The following EDA variants were observed in gnomAD, a reference collection of about 807,000 sequenced individuals.
The protein encoded by EDA is ectodysplasin-A.
Under a neutral mutation model 23.6 loss-of-function variants are expected in EDA, and 2 were observed. The ratio of observed to expected loss-of-function variants is 0.08; its 90% CI spans 0.03 to 0.27. The LOEUF is 0.27. EDA is among the 10% of genes least tolerant of loss of function. EDA has a pLI of 1.00. For missense variants in EDA, 229 were observed against 324.2 expected (o/e 0.71, Z 2.26); for synonymous variants, 131 against 132.0 (o/e 0.99, Z 0.05).
intron 2 of EDA, among the ~76,000 whole-genome samples, chrX:69,987,137 G>A (rs1342485028): frequency 1.2e-5 from 1 of 82,697 alleles, no homozygotes; most frequent in African/African-American, 4.8e-5. Flanking sequence ...GGTCGGGGGA[G>A]GGAGGAGGGA....
chrX:69,828,563 G>A (rs181200252), intron 1 of EDA, among the ~76,000 whole-genome samples: 119 of 111,896 alleles, frequency 1.1e-3, no homozygotes, highest in East Asian at 7.9e-3. Flanking sequence ...TTCGGCTCGC[G>A]CACGGTGCAC....
chrX:69,922,964 C>T (rs2018457746), intron 1 of EDA, among the ~76,000 whole-genome samples: 1 of 111,267 alleles, frequency 9.0e-6, no homozygotes, highest in Admixed American at 9.6e-5. Flanking sequence ...TCACCACACA[C>T]ACACACCTTT....
intron 1 of EDA, among the ~76,000 whole-genome samples, chrX:69,787,978 G>T (rs1448157070): frequency 3.6e-5 from 4 of 111,365 alleles, no homozygotes; most frequent in Non-Finnish European, 5.7e-5. Context: ...TTTCTTGGAG[G>T]CTTTGTTCAT....
chrX:69,950,947 G>A (rs1244257705), intron 1 of EDA, among the ~76,000 whole-genome samples: 3 of 76,431 alleles, frequency 3.9e-5, no homozygotes, highest in African/African-American at 1.0e-4. Context: ...GTTGTGGGGT[G>A]GGGGGAGGGG....
chrX:69,658,212 TTGTGTGTGTG>T (rs3138864), intron 1 of EDA, among the ~76,000 whole-genome samples: 5 of 90,906 alleles, frequency 5.5e-5, no homozygotes, highest in African/African-American at 1.3e-4. Context: ...TCCTAGGTAT[TTGTGTGTGTG>T]TGTGTGTGTG....
At chrX:69,763,915 T>A (rs1205915252) in intron 1 of EDA, among the ~76,000 whole-genome samples, 1 of 111,694 alleles carries the variant, frequency 9.0e-6, no homozygotes, top group Non-Finnish European at 1.9e-5. Flanking sequence ...TACATTGAGC[T>A]TTCCTTTAGA....
At chrX:69,925,076 A>G (rs1032463086) in intron 1 of EDA, among the ~76,000 whole-genome samples, 1 of 111,808 alleles carries the variant, frequency 8.9e-6, no homozygotes, top group African/African-American at 3.2e-5. Context: ...TTTTCTAAAT[A>G]TAAAATCATG....
intron 1 of EDA, among the ~76,000 whole-genome samples, chrX:69,711,740 G>A (rs1473507366): frequency 9.0e-6 from 1 of 111,570 alleles, no homozygotes; most frequent in African/African-American, 3.3e-5. Context: ...ATGTGTCGAG[G>A]AATTTATCCA....
intron 1 of EDA, among the ~76,000 whole-genome samples, chrX:69,723,794 A>G (rs2012683867): frequency 9.0e-6 from 1 of 111,673 alleles, no homozygotes; most frequent in Non-Finnish European, 1.9e-5. Flanking sequence ...GGGCAGTATT[A>G]TGTAATCTTA....
chrX:69,921,021 G>T (rs1246645180), intron 1 of EDA, among the ~76,000 whole-genome samples: 1 of 109,265 alleles, frequency 9.2e-6, no homozygotes, highest in Non-Finnish European at 1.9e-5. Flanking sequence ...TTATACTTTG[G>T]GTTATAATCC....
At chrX:69,749,980 A>G (rs2804375) in intron 1 of EDA, among the ~76,000 whole-genome samples, 27,881 of 84,295 alleles carry the variant, frequency 0.33, 4,782 homozygotes, top group Middle Eastern at 0.64. Flanking sequence ...CGCTTCTGTC[A>G]GAAGAATAGA....
At chrX:69,918,149 C>CT (rs71981189) in intron 1 of EDA, among the ~76,000 whole-genome samples, 856 of 73,333 alleles carry the variant, frequency 0.012, 13 homozygotes, top group Admixed American at 0.045. Context: ...CCATCCCCTG[C>CT]TTTTTTTTTT....
chrX:69,769,893 G>GTGT (rs772141262), intron 1 of EDA, among the ~76,000 whole-genome samples: 5 of 111,324 alleles, frequency 4.5e-5, no homozygotes, highest in Non-Finnish European at 9.4e-5. Flanking sequence ...GGTGTGTGTG[G>GTGT]TGTAAAAAGG....
In EDA at chrX:70,004,816, G is replaced by A. The variant is rs181860382; in HGVS notation, c.503-18402G>A. 3.0e-3 allele frequency among the ~76,000 whole-genome samples: 342 copies of A among 112,146 alleles called. 1 individual carries two copies. The highest frequency in any genetic ancestry group is 5.7e-3 in the Non-Finnish European group (301 of 53,221). On this transcript the variant is annotated intron_variant, in intron 2 of 7. Transcript: ENST00000374552. ...GAAAAGCATGAAAGCTAGAAGCCTG[G>A]GCCAGGAGCAGTGACTCACACCTGT...
chrX:69,808,447 A>T (rs2015865731), intron 1 of EDA, among the ~76,000 whole-genome samples: 1 of 111,532 alleles, frequency 9.0e-6, no homozygotes, highest in Admixed American at 9.5e-5. Flanking sequence ...TTTGTTGAAG[A>T]TTAATTACAT....
intron 1 of EDA, among the ~76,000 whole-genome samples, chrX:69,683,261 A>G (rs1934437283): frequency 9.0e-6 from 1 of 111,522 alleles, no homozygotes; most frequent in Non-Finnish European, 1.9e-5. Context: ...CTGTGAGGGC[A>G]GGGATTTTTA....
chrX:69,816,428 G>A (rs1237143613), intron 1 of EDA, among the ~76,000 whole-genome samples: 1 of 111,273 alleles, frequency 9.0e-6, no homozygotes. Context: ...ATAACCCAAT[G>A]CAAAGAAGCT....
intron 2 of EDA, among the ~76,000 whole-genome samples, chrX:69,993,977 T>G (rs1199916020): frequency 8.9e-6 from 1 of 111,997 alleles, no homozygotes; most frequent in East Asian, 2.8e-4. Flanking sequence ...TGGATTGGAT[T>G]TCATATATTA....
intron 1 of EDA, among the ~76,000 whole-genome samples, chrX:69,662,018 G>A (rs1933526923): frequency 1.8e-5 from 2 of 111,003 alleles, no homozygotes; most frequent in Admixed American, 9.6e-5. Flanking sequence ...CCCAAATACA[G>A]TACAATTTTA....
Sources: allele counts gnomAD v4.1 joint callset (sites outside exome capture counted in the v4.1 genomes callset), GRCh38; gene constraint gnomAD v4.1.1; transcripts MANE v1.5; gene names NCBI Gene and HGNC (gene_info 2026-07-23, HGNC 2026-07-21).